Variants in GATA4 observed in about 807,000 individuals in gnomAD.
GATA4 encodes the protein transcription factor GATA-4.
GATA4 carries 7 observed loss-of-function variants against 37.9 expected under a neutral mutation model. The observed-to-expected ratio is 0.18, with a 90% confidence interval of 0.11 to 0.35. The LOEUF (loss-of-function observed/expected upper bound fraction) is 0.35. Among genes scored for constraint, GATA4 ranks in the 10% least tolerant of loss-of-function variants. GATA4 has a pLI of 1.00. For missense variants in GATA4, 647 were observed against 653.0 expected (o/e 0.99, Z 0.10); for synonymous variants, 372 against 292.6 (o/e 1.27, Z -2.77).
intron 2 of GATA4, among the ~76,000 whole-genome samples, chr8:11,711,103 AAAAC>A (rs1196319583): frequency 6.6e-6 from 1 of 152,186 alleles, no homozygotes; most frequent in African/African-American, 2.4e-5. Context: ...AGTATGTCTC[AAAAC>A]AAACAAACAA....
chr8:11,680,987 G>A, intron 1 of GATA4: 3 of 966,618 alleles, frequency 3.1e-6, no homozygotes, highest in Non-Finnish European at 3.7e-6. Context: ...ATATCCCCCT[G>A]CAGAGAGACC....
intron 2 of GATA4, among the ~76,000 whole-genome samples, chr8:11,715,960 G>A (rs1285187579): frequency 6.6e-6 from 1 of 152,016 alleles, no homozygotes; most frequent in Non-Finnish European, 1.5e-5. Context: ...AAGTAGAATC[G>A]TACAGTGTTT....
intron 1 of GATA4, among the ~76,000 whole-genome samples, chr8:11,697,026 G>C (rs1199768111): frequency 1.3e-5 from 2 of 152,228 alleles, no homozygotes; most frequent in Non-Finnish European, 2.9e-5. Flanking sequence ...GGGAGGAGGC[G>C]ATGAGGTCGG....
At chr8:11,740,472 G>A (rs1313690026) in intron 2 of GATA4, among the ~76,000 whole-genome samples, 2 of 152,240 alleles carry the variant, frequency 1.3e-5, no homozygotes, top group East Asian at 3.9e-4. Context: ...AGGTTTCGGG[G>A]TGGGGACTGC....
At chr8:11,743,836 A>G (rs1193512845) in intron 2 of GATA4, among the ~76,000 whole-genome samples, 1 of 152,210 alleles carries the variant, frequency 6.6e-6, no homozygotes, top group Non-Finnish European at 1.5e-5. Flanking sequence ...GAATATCCAT[A>G]CTGCACCGGC....
chr8:11,678,446 C>G (rs1011514807), intron 1 of GATA4, among the ~76,000 whole-genome samples: 1 of 152,244 alleles, frequency 6.6e-6, no homozygotes, highest in Non-Finnish European at 1.5e-5. Context: ...CCCTGCCCAA[C>G]TCTCTGGCTT....
Position 11,758,482 on chromosome 8 carries a change from C to T in GATA4, c.*7C>T, listed in dbSNP as rs370781518. The T allele has an allele frequency of 4.3e-6, 7 of 1,614,038 alleles. No homozygotes were observed. The highest frequency in any genetic ancestry group is 3.3e-5 in the South Asian group (3 of 91,074). The stretch of plus-strand genomic sequence containing the variant: ...GGACATAATCACTGCGTAATCTTCC[C>T]TCTTCCCTCCTCAAATTCCTGCACG... On this transcript the variant is annotated 3_prime_UTR_variant, in exon 7 of 7. Transcript: ENST00000532059.
chr8:11,679,109 C>G (rs777679708), intron 1 of GATA4, among the ~76,000 whole-genome samples: 12 of 149,096 alleles, frequency 8.0e-5, no homozygotes, highest in South Asian at 2.1e-4. Flanking sequence ...GGGTTAAATT[C>G]AAGCCATCAA....
chr8:11,738,591 A>G (rs1419992929), intron 2 of GATA4, among the ~76,000 whole-genome samples: 3 of 152,248 alleles, frequency 2.0e-5, no homozygotes, highest in African/African-American at 7.2e-5. Flanking sequence ...AGGACATGCC[A>G]TAGTGAATAT....
At chr8:11,727,339 C>G (rs1316607808) in intron 2 of GATA4, among the ~76,000 whole-genome samples, 1 of 152,132 alleles carries the variant, frequency 6.6e-6, no homozygotes, top group Non-Finnish European at 1.5e-5. Flanking sequence ...GAGAATGGAC[C>G]CGCCTGCTGG....
chr8:11,747,000 C>G (rs1246500468), intron 2 of GATA4, among the ~76,000 whole-genome samples: 1 of 152,216 alleles, frequency 6.6e-6, no homozygotes, highest in Non-Finnish European at 1.5e-5. Context: ...CCACATTCCC[C>G]TAGAGCAAGT....
chr8:11,732,843 C>G (rs903218856), intron 2 of GATA4, among the ~76,000 whole-genome samples: 1 of 152,124 alleles, frequency 6.6e-6, no homozygotes, highest in Non-Finnish European at 1.5e-5. Context: ...ACTCATATCC[C>G]CAACTATAGA....
chr8:11,678,082 G>A (rs1798840934), intron 1 of GATA4, among the ~76,000 whole-genome samples: 1 of 151,502 alleles, frequency 6.6e-6, no homozygotes, highest in Non-Finnish European at 1.5e-5. Flanking sequence ...GCTTTGAGAA[G>A]GAGTGCAGCT....
intron 2 of GATA4, among the ~76,000 whole-genome samples, chr8:11,712,975 A>G (rs1324061598): frequency 6.6e-6 from 1 of 152,256 alleles, no homozygotes; most frequent in African/African-American, 2.4e-5. Flanking sequence ...ATTTGTCACA[A>G]TAGGTAAAAC....
intron 2 of GATA4, among the ~76,000 whole-genome samples, chr8:11,710,524 CAA>C (rs773444142): frequency 0.093 from 10,670 of 115,116 alleles, 443 homozygotes; most frequent in South Asian, 0.13. Context: ...TACTAAAATA[CAA>C]AAAAAAAAAA....
At chr8:11,688,964 A>G (rs1168262759), upstream of GATA4, among the ~76,000 whole-genome samples, 4 of 152,204 alleles carry the variant, frequency 2.6e-5, no homozygotes, top group Non-Finnish European at 5.9e-5. Flanking sequence ...ATGAATTCTC[A>G]TGTGTTATTC....
chr8:11,690,642 G>A (rs1799279993), upstream of GATA4, among the ~76,000 whole-genome samples: 1 of 152,174 alleles, frequency 6.6e-6, no homozygotes, highest in African/African-American at 2.4e-5. Context: ...AGAGGGCAGT[G>A]AGAGGGTCAC....
At chr8:11,739,493 A>G (rs548253927) in intron 2 of GATA4, among the ~76,000 whole-genome samples, 12 of 147,590 alleles carry the variant, frequency 8.1e-5, no homozygotes, top group African/African-American at 3.1e-4. Context: ...TCCATCATAT[A>G]TGATTTTATA....
intron 1 of GATA4, among the ~76,000 whole-genome samples, chr8:11,685,739 A>T (rs1748004663): frequency 1.3e-5 from 2 of 152,246 alleles, no homozygotes; most frequent in Non-Finnish European, 2.9e-5. Context: ...AATTGAAAAC[A>T]ATCATCTAAG....
Sources: allele counts gnomAD v4.1 joint callset (sites outside exome capture counted in the v4.1 genomes callset), GRCh38; gene constraint gnomAD v4.1.1; transcripts MANE v1.5; gene names NCBI Gene and HGNC (gene_info 2026-07-23, HGNC 2026-07-21).